Variants in UPP2 observed in about 807,000 individuals in gnomAD.
The protein encoded by UPP2 is uridine phosphorylase 2.
Under a neutral mutation model 26.7 loss-of-function variants are expected in UPP2, and 23 were observed. The ratio of observed to expected loss-of-function variants is 0.86; its 90% CI spans 0.62 to 1.22. The LOEUF is 1.22. Ranked by LOEUF, UPP2 falls within the 50% of genes most tolerant of loss-of-function variation. The pLI, the probability that UPP2 is intolerant of heterozygous loss-of-function variation, is 0.00. For synonymous variants in UPP2, 127 were observed against 141.3 expected (o/e 0.90, Z 0.72); for missense variants, 387 against 396.7 (o/e 0.98, Z 0.21).
intron 2 of UPP2, among the ~76,000 whole-genome samples, chr2:158,007,043 C>T (rs923366794): frequency 4.6e-5 from 7 of 152,154 alleles, no homozygotes; most frequent in African/African-American, 1.7e-4. Flanking sequence ...CTGTGAGGTA[C>T]CCATTTGTAT....
chr2:158,005,542 C>T (rs1574241242), intron 2 of UPP2, among the ~76,000 whole-genome samples: 1 of 152,134 alleles, frequency 6.6e-6, no homozygotes, highest in Non-Finnish European at 1.5e-5. Flanking sequence ...AAACAAAGCA[C>T]GAGCTTGAGC....
chr2:158,103,350 G>A (rs1683115638), intron 1 of UPP2, among the ~76,000 whole-genome samples: 1 of 152,142 alleles, frequency 6.6e-6, no homozygotes, highest in Admixed American at 6.5e-5. Context: ...ATAATTAATG[G>A]CTCTGCTGGT....
chr2:158,037,185 C>T (rs538060850), intron 3 of UPP2, among the ~76,000 whole-genome samples: 11 of 151,564 alleles, frequency 7.3e-5, no homozygotes, highest in Middle Eastern at 3.4e-3. Flanking sequence ...CCAGTCTGGC[C>T]AACATAGTGA....
chr2:158,062,299 C>T (rs139359862), intron 3 of UPP2, among the ~76,000 whole-genome samples: 296 of 152,222 alleles, frequency 1.9e-3, no homozygotes, highest in East Asian at 7.7e-3. Flanking sequence ...TACATTTAAG[C>T]TTGGTTACTT....
intron 2 of UPP2, among the ~76,000 whole-genome samples, chr2:158,008,357 A>T (rs1002570406): frequency 1.3e-5 from 2 of 152,154 alleles, no homozygotes; most frequent in Non-Finnish European, 2.9e-5. Flanking sequence ...TATTTACTGT[A>T]TTTGATTATT....
intron 2 of UPP2, among the ~76,000 whole-genome samples, chr2:158,111,345 C>G (rs1683315776): frequency 6.6e-6 from 1 of 151,678 alleles, no homozygotes; most frequent in Non-Finnish European, 1.5e-5. Flanking sequence ...ATGGAATATC[C>G]CTCTGTCTCT....
intron 3 of UPP2, among the ~76,000 whole-genome samples, chr2:158,032,271 C>T (rs1331249173): frequency 8.5e-5 from 13 of 152,234 alleles, no homozygotes; most frequent in Non-Finnish European, 1.3e-4. Flanking sequence ...TGAAGTCATG[C>T]ACATCCTGTC....
At chr2:158,023,658 G>A (rs994997691) in intron 3 of UPP2, among the ~76,000 whole-genome samples, 1 of 152,068 alleles carries the variant, frequency 6.6e-6, no homozygotes, top group African/African-American at 2.4e-5. Context: ...GGACACGGTG[G>A]GAGTTGGGTG....
chr2:157,995,823 A>G (rs539196908), intron 2 of UPP2, among the ~76,000 whole-genome samples: 3 of 152,072 alleles, frequency 2.0e-5, no homozygotes, highest in Admixed American at 6.5e-5. Flanking sequence ...AAAAAAAGCT[A>G]TAATAGTTTT....
chr2:157,999,164 T>TTTG (rs370281626), intron 2 of UPP2, among the ~76,000 whole-genome samples: 61 of 152,130 alleles, frequency 4.0e-4, no homozygotes, highest in Admixed American at 1.2e-3. Flanking sequence ...TTTGGGTCTT[T>TTTG]TTGTTGTTGT....
intron 3 of UPP2, among the ~76,000 whole-genome samples, chr2:158,024,192 A>C (rs901522160): frequency 1.3e-5 from 2 of 152,144 alleles, no homozygotes; most frequent in Non-Finnish European, 2.9e-5. Flanking sequence ...TATTTTTTAA[A>C]ATATGGGACT....
intron 2 of UPP2, chr2:157,995,290 T>C (rs1169032607): frequency 1.2e-6 from 2 of 1,609,004 alleles, no homozygotes; most frequent in East Asian, 4.5e-5. Context: ...AATACATTCA[T>C]GTCTAAGCAC....
intron 3 of UPP2, among the ~76,000 whole-genome samples, chr2:158,063,005 C>T (rs1682377121): frequency 6.6e-6 from 1 of 152,206 alleles, no homozygotes; most frequent in African/African-American, 2.4e-5. Flanking sequence ...CTGTTATTCT[C>T]CTGCATCCCC....
At chr2:158,023,003 TAAG>T (rs1318508675) in intron 3 of UPP2, among the ~76,000 whole-genome samples, 1 of 150,792 alleles carries the variant, frequency 6.6e-6, no homozygotes, top group South Asian at 2.1e-4. Flanking sequence ...CTTGAAAGGA[TAAG>T]AAGGATGATC....
intron 2 of UPP2, among the ~76,000 whole-genome samples, chr2:158,003,261 G>T (rs1683437926): frequency 1.3e-5 from 2 of 152,138 alleles, no homozygotes; most frequent in Admixed American, 1.3e-4. Context: ...GGGTGAGAGG[G>T]TCCGATGCAG....
chr2:158,125,478 G>A (rs1206537296), intron 6 of UPP2, among the ~76,000 whole-genome samples: 2 of 150,956 alleles, frequency 1.3e-5, no homozygotes, highest in Non-Finnish European at 2.9e-5. Context: ...GTGTAGTGGC[G>A]CAATCTCGGC....
intron 3 of UPP2, among the ~76,000 whole-genome samples, chr2:158,064,285 A>G (rs141641017): frequency 0.096 from 14,603 of 152,220 alleles, 899 homozygotes; most frequent in African/African-American, 0.17. Flanking sequence ...AATGATCGCC[A>G]TTCTAACTGG....
chr2:158,030,448 T>G (rs192046713), intron 3 of UPP2, among the ~76,000 whole-genome samples: 1 of 152,318 alleles, frequency 6.6e-6, no homozygotes, highest in Admixed American at 6.5e-5. Flanking sequence ...CCATCTTATA[T>G]TTGAGCATAT....
At chr2:158,035,776 G>A (rs1052267032) in intron 3 of UPP2, among the ~76,000 whole-genome samples, 12 of 152,182 alleles carry the variant, frequency 7.9e-5, no homozygotes, top group East Asian at 1.9e-4. Flanking sequence ...CTGCAGGGAC[G>A]GGATTGACTG....
Sources: gnomAD v4.1 joint callset for allele counts (sites outside exome capture counted in the v4.1 genomes callset) on GRCh38, gnomAD v4.1.1 for gene constraint, MANE v1.5 for transcripts, NCBI Gene and HGNC (gene_info 2026-07-23, HGNC 2026-07-21) for gene names.